MYO1D: variants seen among roughly 807,000 people sequenced by gnomAD.
The protein encoded by MYO1D is unconventional myosin-Id.
A neutral mutation model predicts 122.0 loss-of-function variants in MYO1D; 83 were observed. The observed-to-expected ratio is 0.68, with a 90% confidence interval of 0.57 to 0.82. MYO1D has a LOEUF of 0.82. Ranked by LOEUF, MYO1D falls within the 40% of genes least tolerant of loss-of-function variation. The pLI is 0.00. For synonymous variants in MYO1D, 464 were observed against 446.9 expected, an observed-to-expected ratio of 1.04 and a Z score of -0.48; for missense variants, 1,157 against 1,269.5, an observed-to-expected ratio of 0.91 and a Z score of 1.35.
chr17:32,573,323 A>C (rs997605366), intron 21 of MYO1D, among the ~76,000 whole-genome samples: 2 of 152,158 alleles, frequency 1.3e-5, no homozygotes, highest in Admixed American at 6.5e-5. Context: ...CACAGGTACC[A>C]ATCATCAGAG....
Position 32,748,942 on chromosome 17 carries a change from T to G in MYO1D, c.1532A>C (p.Asp511Ala). 1 of 1,613,122 alleles carries G rather than the reference T, an allele frequency of 6.2e-7. No individual in the cohort carries two copies. Among genetic ancestry groups the G allele is most frequent in the East Asian group, 2.2e-5 (1 of 44,870 alleles). ...RDFRIRHYAG[D>A]VVYSVIGFID... ...ACCAAGGTAAGATACTCACACTACA[T>G]CGCCTGCATAATGTCGAATTCGAAA... The change falls in exon 12 of 22, where the codon GAT (aspartate) becomes GCT (alanine). Residue 511 changes from aspartate (D) to alanine (A), a missense_variant. By Grantham distance (126) the Asp-to-Ala change is moderately radical. Transcript: ENST00000318217.
chr17:32,725,339 T>C (rs1440483041), intron 14 of MYO1D, among the ~76,000 whole-genome samples: 1 of 151,958 alleles, frequency 6.6e-6, no homozygotes, highest in Non-Finnish European at 1.5e-5. Flanking sequence ...GCCAACATGG[T>C]GAAACCCCGT....
At chr17:32,527,091 C>G (rs1405821254) in intron 21 of MYO1D, among the ~76,000 whole-genome samples, 1 of 152,226 alleles carries the variant, frequency 6.6e-6, no homozygotes, top group Non-Finnish European at 1.5e-5. Flanking sequence ...CGTAAGACCA[C>G]AGTGGGGTCT....
intron 21 of MYO1D, among the ~76,000 whole-genome samples, chr17:32,501,496 G>A (rs1909317121): frequency 6.6e-6 from 1 of 152,204 alleles, no homozygotes; most frequent in South Asian, 2.1e-4. Context: ...GCCTTGGTGG[G>A]TTTAGATCAG....
chr17:32,536,061 C>G (rs1910657183), intron 21 of MYO1D, among the ~76,000 whole-genome samples: 1 of 151,496 alleles, frequency 6.6e-6, no homozygotes, highest in Non-Finnish European at 1.5e-5. Context: ...GAGATGGAGT[C>G]TTGCTCTGTT....
chr17:32,673,089 A>C (rs899318016), intron 16 of MYO1D, among the ~76,000 whole-genome samples: 2 of 28,634 alleles, frequency 7.0e-5, no homozygotes, highest in East Asian at 6.9e-4. Flanking sequence ...TAAACATGCT[A>C]CTTTTTTTTT....
rs2090720242 is a variant in MYO1D, at chr17:32,826,078, C to T, written c.96-45294G>A. On this transcript the variant is annotated intron_variant, in intron 1 of 21. Coordinates refer to ENST00000318217, the MANE Select transcript of MYO1D (RefSeq NM_015194.3). ...AAAAAAAAAAAAAAAAAGTGTATTA[C>T]TACTTTATTCTGGGGGTTAACTATT... Among the ~76,000 whole-genome samples the T allele has an allele frequency of 2.0e-5, 3 of 146,702 alleles. No individual in the cohort carries two copies. In the South Asian group the frequency reaches 6.4e-4, roughly 32 times the overall value.
At chr17:32,775,240 G>T (rs1410094855) in intron 4 of MYO1D, among the ~76,000 whole-genome samples, 1 of 152,142 alleles carries the variant, frequency 6.6e-6, no homozygotes, top group African/African-American at 2.4e-5. Context: ...GGTTGAGGCT[G>T]CAGTGAGCCA....
chr17:32,628,141 A>T (rs1201462939), intron 20 of MYO1D, among the ~76,000 whole-genome samples: 1 of 152,226 alleles, frequency 6.6e-6, no homozygotes. Context: ...CTCACAAAAC[A>T]TTCAAATTCT....
At chr17:32,670,025 C>T (rs1018396876) in intron 16 of MYO1D, among the ~76,000 whole-genome samples, 2 of 151,814 alleles carry the variant, frequency 1.3e-5, no homozygotes, top group Admixed American at 6.6e-5. Flanking sequence ...CCTGAGTAGC[C>T]CAGGGTTACA....
intron 16 of MYO1D, among the ~76,000 whole-genome samples, chr17:32,672,836 T>C (rs769175573): frequency 1.3e-5 from 2 of 152,044 alleles, no homozygotes; most frequent in African/African-American, 4.8e-5. Flanking sequence ...TGATTGTTAA[T>C]AGGAGTAGGT....
intron 1 of MYO1D, among the ~76,000 whole-genome samples, chr17:32,831,843 T>G (rs35408873): frequency 2.6e-5 from 4 of 152,228 alleles, no homozygotes; most frequent in Admixed American, 2.0e-4. Flanking sequence ...TTTCCTGGAA[T>G]TTGAATGGCC....
At chr17:32,744,057 T>C (rs2089802518) in intron 13 of MYO1D, among the ~76,000 whole-genome samples, 2 of 152,194 alleles carry the variant, frequency 1.3e-5, no homozygotes, top group Non-Finnish European at 2.9e-5. Context: ...ATTCCAACGC[T>C]TCCCTTCATA....
intron 21 of MYO1D, among the ~76,000 whole-genome samples, chr17:32,572,864 C>T (rs1451862864): frequency 2.0e-5 from 3 of 152,096 alleles, no homozygotes; most frequent in African/African-American, 7.2e-5. Flanking sequence ...CTCTGACAGG[C>T]TTTCCATGTT....
At chr17:32,822,480 G>C (rs1291703791) in intron 1 of MYO1D, among the ~76,000 whole-genome samples, 1 of 148,414 alleles carries the variant, frequency 6.7e-6, no homozygotes, top group Non-Finnish European at 1.5e-5. Context: ...GGGGGGCGGG[G>C]GGCGCGCGTC....
At position 32,653,136 on chromosome 17, in the gene MYO1D, C is replaced by T. The variant is rs186325409; in HGVS notation, c.2595+707G>A. On this transcript the variant is annotated intron_variant, in intron 19 of 21. Coordinates refer to ENST00000318217, the MANE Select transcript of MYO1D (RefSeq NM_015194.3). ...CAGCCTGGGCGACAGAATGAGACTCCGTCTCAAAAAAAAAAAATAAATAAA... is the reference window on the plus strand; with the variant it reads ...CAGCCTGGGCGACAGAATGAGACTCTGTCTCAAAAAAAAAAAATAAATAAA... 2.6e-3 allele frequency among the ~76,000 whole-genome samples: 385 copies of T among 147,976 alleles called. 13 individuals are homozygous for T. Among genetic ancestry groups the T allele is most frequent in the Admixed American group, 0.024 (358 of 14,912 alleles).
intron 21 of MYO1D, among the ~76,000 whole-genome samples, chr17:32,599,860 C>T (rs1207278656): frequency 1.3e-5 from 2 of 152,202 alleles, no homozygotes; most frequent in Non-Finnish European, 2.9e-5. Flanking sequence ...ACCATGTTGG[C>T]CAGGCTGGTC....
Position 32,576,712 on chromosome 17 carries a change from G to A in MYO1D, c.2864+28375C>T, listed in dbSNP as rs1330618618. ...GCTCTGTCACCCAGGCTGAAGTGCA[G>A]TGGCATGATCATAGCTCCCGGCAGC... On this transcript the variant is annotated intron_variant, in intron 21 of 21. Coordinates refer to ENST00000318217, the MANE Select transcript of MYO1D (RefSeq NM_015194.3). 3.9e-5 allele frequency among the ~76,000 whole-genome samples: 6 copies of A among 152,310 alleles called. 1 individual carries two copies. The East Asian group carries it at 9.6e-4, about 24-fold the overall frequency.
Position 32,531,043 on chromosome 17 carries a change from C to T in MYO1D, c.2865-36128G>A, listed in dbSNP as rs141469924. 4.6e-4 allele frequency among the ~76,000 whole-genome samples: 70 copies of T among 152,304 alleles called. No homozygotes were observed. In the East Asian group the frequency reaches 0.013, roughly 27 times the overall value. On this transcript the variant is annotated intron_variant, in intron 21 of 21. Transcript: ENST00000318217. Reference sequence around the variant, plus strand: ...TCCCTCACTGCAACCCAGGGTGGTGCTGCCCAGCATAGGCCGACACTCCCC... The same window carrying T: ...TCCCTCACTGCAACCCAGGGTGGTGTTGCCCAGCATAGGCCGACACTCCCC...
Sources: gnomAD v4.1 joint callset for allele counts (sites outside exome capture counted in the v4.1 genomes callset) on GRCh38, gnomAD v4.1.1 for gene constraint, MANE v1.5 for transcripts, NCBI Gene and HGNC (gene_info 2026-07-23, HGNC 2026-07-21) for gene names.